The following PDE3A variants were observed in gnomAD, a reference collection of about 807,000 sequenced individuals.
The protein encoded by PDE3A is phosphodiesterase 3A, also known as cGMP-inhibited 3',5'-cyclic phosphodiesterase 3A.
In PDE3A, 43 loss-of-function variants were observed where a neutral mutation model predicts 98.3. The observed-to-expected ratio is 0.44, with a 90% CI of 0.34 to 0.56. The LOEUF (loss-of-function observed/expected upper bound fraction) is 0.56, where lower values mean the gene tolerates loss of function less well. Ranked by LOEUF, PDE3A falls within the 20% of genes least tolerant of loss-of-function variation. The pLI, the probability that PDE3A is intolerant of heterozygous loss-of-function variation, is 0.01. For missense variants in PDE3A, 1,427 were observed against 1,440.7 expected (o/e 0.99, Z 0.15); for synonymous variants, 663 against 567.9 (o/e 1.17, Z -2.38).
chr12:20,457,032 A>T (rs1945164490), intron 1 of PDE3A, among the ~76,000 whole-genome samples: 1 of 152,076 alleles, frequency 6.6e-6, no homozygotes, highest in African/African-American at 2.4e-5. Context: ...CAAATCAAAC[A>T]CTTCTTTATC....
At chr12:20,606,713 T>C (rs562963344) in intron 2 of PDE3A, among the ~76,000 whole-genome samples, 1 of 151,656 alleles carries the variant, frequency 6.6e-6, no homozygotes, top group Admixed American at 6.6e-5. Context: ...ACAAAATTAG[T>C]TGGGCATGGT....
intron 1 of PDE3A, among the ~76,000 whole-genome samples, chr12:20,444,319 A>G (rs1440843780): frequency 6.6e-6 from 1 of 152,172 alleles, no homozygotes; most frequent in Non-Finnish European, 1.5e-5. Flanking sequence ...CTTCCATCTA[A>G]TAAGACTTCA....
At chr12:20,573,900 A>AC (rs1384157411) in intron 2 of PDE3A, among the ~76,000 whole-genome samples, 2 of 152,068 alleles carry the variant, frequency 1.3e-5, no homozygotes, top group Admixed American at 6.6e-5. Context: ...GTGCAGGAAA[A>AC]CAAAAACATT....
chr12:20,532,895 C>A (rs1183979609), intron 1 of PDE3A, among the ~76,000 whole-genome samples: 1 of 152,002 alleles, frequency 6.6e-6, no homozygotes, highest in African/African-American at 2.4e-5. Flanking sequence ...TCACCTTGGT[C>A]TCGATCTCCT....
intron 1 of PDE3A, among the ~76,000 whole-genome samples, chr12:20,391,761 C>T (rs1039158413): frequency 4.0e-5 from 6 of 151,748 alleles, no homozygotes; most frequent in South Asian, 2.1e-4. Flanking sequence ...CCCTTCCATG[C>T]CATTTTGTTC....
chr12:20,478,729 T>C (rs1330781526), intron 1 of PDE3A, among the ~76,000 whole-genome samples: 1 of 152,218 alleles, frequency 6.6e-6, no homozygotes, highest in Non-Finnish European at 1.5e-5. Context: ...GGACAAGTGT[T>C]AATATTACAA....
chr12:20,444,094 G>A (rs1489974958), intron 1 of PDE3A, among the ~76,000 whole-genome samples: 1 of 152,118 alleles, frequency 6.6e-6, no homozygotes, highest in Non-Finnish European at 1.5e-5. Context: ...TAGTAGTGTG[G>A]CACATGTAGA....
intron 2 of PDE3A, among the ~76,000 whole-genome samples, chr12:20,568,501 C>G (rs1190218702): frequency 6.6e-6 from 1 of 151,718 alleles, no homozygotes; most frequent in Non-Finnish European, 1.5e-5. Flanking sequence ...TGGGAATGAA[C>G]AGTGTTATAC....
intron 15 of PDE3A, among the ~76,000 whole-genome samples, chr12:20,662,245 T>G (rs1945189891): frequency 6.6e-6 from 1 of 152,210 alleles, no homozygotes; most frequent in Non-Finnish European, 1.5e-5. Context: ...TTGGAACTTC[T>G]AGAGACTTGT....
intron 1 of PDE3A, among the ~76,000 whole-genome samples, chr12:20,531,067 T>G (rs1941585153): frequency 6.6e-6 from 1 of 152,156 alleles, no homozygotes; most frequent in African/African-American, 2.4e-5. Context: ...GGGTTCCCCC[T>G]ATCAGGACAT....
chr12:20,461,843 A>G (rs201803420), intron 1 of PDE3A, among the ~76,000 whole-genome samples: 4 of 152,206 alleles, frequency 2.6e-5, no homozygotes, highest in Non-Finnish European at 5.9e-5. Flanking sequence ...ATAATAGCCT[A>G]TCTTTTCCCC....
intron 1 of PDE3A, among the ~76,000 whole-genome samples, chr12:20,455,897 T>C (rs1945144266): frequency 6.6e-6 from 1 of 152,188 alleles, no homozygotes; most frequent in South Asian, 2.1e-4. Context: ...GTGATGGATC[T>C]GAAGCTTTCC....
At position 20,369,651 on chromosome 12, in the gene PDE3A, G is replaced by T; in HGVS notation, c.367G>T (p.Gly123Cys). ...PGPRGGAPGG[G>C]ARLSPWLQPS... ...GCCTCGGGGAGGTGCTCCCGGGGGC[G>T]GTGCGCGGCTCAGCCCCTGGCTGCA... is the stretch of plus-strand genomic sequence containing the variant. The change falls in exon 1 of 16, where the codon GGT becomes TGT. Residue 123 changes from glycine (G) to cysteine (C), a missense_variant. Gly to Cys is a radical substitution (Grantham distance 159). Transcript: ENST00000359062. 1 of 1,600,586 alleles carries T rather than the reference G, an allele frequency of 6.2e-7. No homozygotes were observed.
chr12:20,644,617 C>T (rs1452674958), intron 10 of PDE3A, among the ~76,000 whole-genome samples: 2 of 152,058 alleles, frequency 1.3e-5, no homozygotes, highest in Non-Finnish European at 2.9e-5. Flanking sequence ...AAAATATGAT[C>T]GTAATTCTCT....
chr12:20,590,791 G>A (rs1285818654), intron 2 of PDE3A, among the ~76,000 whole-genome samples: 3 of 152,132 alleles, frequency 2.0e-5, no homozygotes, highest in Admixed American at 2.0e-4. Flanking sequence ...ATGAATTCAT[G>A]AATAAATGTT....
At chr12:20,379,112 A>G (rs577069672) in intron 1 of PDE3A, among the ~76,000 whole-genome samples, 53 of 151,968 alleles carry the variant, frequency 3.5e-4, no homozygotes, top group Non-Finnish European at 7.1e-4. Context: ...CTCTCCAGGT[A>G]TAAACCACTT....
intron 1 of PDE3A, among the ~76,000 whole-genome samples, chr12:20,509,303 C>A (rs1315712604): frequency 6.6e-6 from 1 of 151,960 alleles, no homozygotes; most frequent in Admixed American, 6.6e-5. Flanking sequence ...TTTAAGGTGT[C>A]TAGTTTTAGG....
intron 5 of PDE3A, among the ~76,000 whole-genome samples, chr12:20,627,841 T>C (rs887920752): frequency 1.9e-4 from 29 of 152,316 alleles, no homozygotes; most frequent in Non-Finnish European, 3.7e-4. Flanking sequence ...AGATACTCAG[T>C]ACAGATACCT....
At position 20,518,141 on chromosome 12, in the gene PDE3A, G is replaced by A. The variant is rs79622980; in HGVS notation, c.961-38519G>A. ...GAGACACAACGTATTTGCCCCATAA[G>A]GGTAAATTGCAAACAAATTGCTCCA... is the stretch of plus-strand genomic sequence containing the variant. On this transcript the variant is annotated intron_variant, in intron 1 of 15. Coordinates refer to ENST00000359062, the MANE Select transcript of PDE3A (RefSeq NM_000921.5). Among the ~76,000 whole-genome samples the A allele has an allele frequency of 6.0e-3, 917 of 152,250 alleles. 48 individuals are homozygous for A. The East Asian group carries it at 0.11, about 18-fold the overall frequency.
Sources: gnomAD v4.1 joint callset for allele counts (sites outside exome capture counted in the v4.1 genomes callset) on GRCh38, gnomAD v4.1.1 for gene constraint, MANE v1.5 for transcripts, NCBI Gene and HGNC (gene_info 2026-07-23, HGNC 2026-07-21) for gene names.